Variants in PATJ observed in about 807,000 individuals in gnomAD.
PATJ encodes inaD-like protein.
PATJ carries 190 observed loss-of-function variants against 224.9 expected under a neutral mutation model. The ratio of observed to expected loss-of-function variants is 0.84; its 90% CI spans 0.75 to 0.95. PATJ has a LOEUF of 0.95. Among genes scored for constraint, PATJ ranks in the 40% least tolerant of loss-of-function variants. The pLI is 0.00. For missense variants in PATJ, 2,121 were observed against 2,270.3 expected (o/e 0.93, Z 1.34); for synonymous variants, 769 against 820.3 (o/e 0.94, Z 1.07).
At chr1:61,746,894 T>A (rs2148142537) in intron 1 of PATJ, among the ~76,000 whole-genome samples, 1 of 152,366 alleles carries the variant, frequency 6.6e-6, no homozygotes, top group East Asian at 1.9e-4. Flanking sequence ...TGTATATATG[T>A]TCTCATAGTG....
At chr1:61,748,246 C>CTTTTTTTTT (rs35918825) in intron 1 of PATJ, among the ~76,000 whole-genome samples, 1 of 65,108 alleles carries the variant, frequency 1.5e-5, no homozygotes, top group Non-Finnish European at 2.7e-5. Flanking sequence ...GCCTTAATGC[C>CTTTTTTTTT]TTTTTTTTTT....
intron 27 of PATJ, among the ~76,000 whole-genome samples, chr1:61,982,057 A>G (rs1644480820): frequency 6.6e-6 from 1 of 151,758 alleles, no homozygotes; most frequent in African/African-American, 2.4e-5. Flanking sequence ...TGCAGGGGAG[A>G]AGGGAGGGAG....
intron 33 of PATJ, among the ~76,000 whole-genome samples, chr1:62,097,896 G>A (rs59295242): frequency 0.26 from 39,706 of 152,026 alleles, 5,693 homozygotes; most frequent in South Asian, 0.42. Flanking sequence ...GTATAAAACA[G>A]TGACTTTATC....
intron 22 of PATJ, among the ~76,000 whole-genome samples, chr1:61,894,631 T>C (rs1249397835): frequency 6.6e-6 from 1 of 152,218 alleles, no homozygotes; most frequent in African/African-American, 2.4e-5. Context: ...TCCCCAGCCA[T>C]GTGGAACTTT....
intron 14 of PATJ, among the ~76,000 whole-genome samples, chr1:61,812,857 A>T (rs544628536): frequency 1.3e-5 from 2 of 152,084 alleles, no homozygotes; most frequent in South Asian, 4.1e-4. Context: ...TAAAAAAAAT[A>T]AAAAAAGACA....
chr1:61,890,496 T>G (rs1571140042), intron 22 of PATJ, among the ~76,000 whole-genome samples: 1 of 152,010 alleles, frequency 6.6e-6, no homozygotes, highest in South Asian at 2.1e-4. Context: ...TATTGGTTTT[T>G]TTTTCCTTCT....
chr1:62,159,961 T>A (rs1669687631), intron 43 of PATJ, among the ~76,000 whole-genome samples: 1 of 152,078 alleles, frequency 6.6e-6, no homozygotes, highest in South Asian at 2.1e-4. Flanking sequence ...GACACAGATC[T>A]CAGGAGCGTT....
At position 61,803,824 on chromosome 1, in the gene PATJ, T is replaced by C. The variant is rs188941785; in HGVS notation, c.1550-1624T>C. ...ACTAACTGCTATGAGGTTAGCTCTC[T>C]TTTTGTCTTTGGAATAATTATTTCA... On this transcript the variant is annotated intron_variant, in intron 12 of 43. Transcript: ENST00000642238. Among the ~76,000 whole-genome samples, 22 of 152,342 alleles carry C rather than the reference T, an allele frequency of 1.4e-4. No homozygotes were observed. In the East Asian group the frequency reaches 4.2e-3, roughly 29 times the overall value.
At chr1:61,746,111 T>TATA (rs1351760662) in intron 1 of PATJ, among the ~76,000 whole-genome samples, 1 of 134,334 alleles carries the variant, frequency 7.4e-6, no homozygotes, top group Non-Finnish European at 1.7e-5. Flanking sequence ...ATATATATAT[T>TATA]TTGTATTTTT....
intron 6 of PATJ, among the ~76,000 whole-genome samples, chr1:61,772,915 C>G (rs1407715837): frequency 2.0e-5 from 3 of 152,226 alleles, no homozygotes; most frequent in African/African-American, 7.2e-5. Flanking sequence ...CATATACGTT[C>G]TCTGAATATT....
chr1:61,914,015 T>G (rs951442343), intron 25 of PATJ, among the ~76,000 whole-genome samples: 3 of 152,248 alleles, frequency 2.0e-5, no homozygotes, highest in Non-Finnish European at 4.4e-5. Flanking sequence ...TGATGGCATA[T>G]ATATAACTTT....
At chr1:61,871,444 C>CACATATATACGCGTATATATATGTATAT (rs1666462687) in intron 20 of PATJ, among the ~76,000 whole-genome samples, 1 of 11,192 alleles carries the variant, frequency 8.9e-5, no homozygotes, top group Non-Finnish European at 1.9e-4. Flanking sequence ...TGTGTATATA[C>CACATATATACGCGTATATATATGTATAT]ACATATATAT....
chr1:61,904,003 A>C (rs1204881494), intron 24 of PATJ, among the ~76,000 whole-genome samples: 1 of 151,770 alleles, frequency 6.6e-6, no homozygotes, highest in Non-Finnish European at 1.5e-5. Flanking sequence ...CGAACTCCTA[A>C]CCTCAGGTGA....
At chr1:61,760,929 G>A (rs982021930) in intron 1 of PATJ, among the ~76,000 whole-genome samples, 2 of 151,984 alleles carry the variant, frequency 1.3e-5, no homozygotes, top group Non-Finnish European at 2.9e-5. Flanking sequence ...TTTCTTTCAA[G>A]CTGTAGATGA....
chr1:61,857,124 C>T (rs1663815880), intron 18 of PATJ, among the ~76,000 whole-genome samples: 1 of 152,096 alleles, frequency 6.6e-6, no homozygotes. Context: ...GGTCAGGTTA[C>T]TGCTTATGAC....
intron 28 of PATJ, among the ~76,000 whole-genome samples, chr1:61,998,632 T>C (rs1431221150): frequency 1.3e-5 from 2 of 152,226 alleles, no homozygotes; most frequent in Non-Finnish European, 2.9e-5. Flanking sequence ...ATTTATTTTT[T>C]GAGCTTGTTC....
In PATJ at chr1:62,161,345, T is replaced by G. The variant is rs931189942; in HGVS notation, c.*291T>G. ...TGTTCCGATTTCTTTTTTTTTTTTT[T>G]TTTTTTTTTTTGAGACGGAGTCTCA... On this transcript the variant is annotated 3_prime_UTR_variant, in exon 44 of 44. Transcript: ENST00000642238. 3 of 233,454 alleles carry G rather than the reference T, an allele frequency of 1.3e-5. No individual in the cohort carries two copies. The highest frequency in any genetic ancestry group is 7.4e-5 in the African/African-American group (3 of 40,494). 14.5% of individuals were successfully genotyped at this position (233,454 alleles called of 1,614,324 possible).
rs1204132629 is a variant in PATJ at position 61,828,972 on chromosome 1, A to C, written c.1980+1389A>C. 2.6e-5 allele frequency among the ~76,000 whole-genome samples: 4 copies of C among 152,314 alleles called. No homozygotes were observed. In the East Asian group the frequency reaches 7.7e-4, roughly 29 times the overall value. The stretch of plus-strand genomic sequence containing the variant: ...ACTTACCCATCTCATGAGTTTGTGC[A>C]AGAAGGAAATGTGGTAATGTGAGCA... On this transcript the variant is annotated intron_variant, in intron 16 of 43. Transcript: ENST00000642238.
chr1:62,054,235 C>A, intron 31 of PATJ: 1 of 216,416 alleles, frequency 4.6e-6, no homozygotes, highest in Non-Finnish European at 9.7e-6. Flanking sequence ...TGGTGACAAG[C>A]ACCTGTAGTC....
Sources: gnomAD v4.1 joint callset for allele counts (sites outside exome capture counted in the v4.1 genomes callset) on GRCh38, gnomAD v4.1.1 for gene constraint, MANE v1.5 for transcripts, NCBI Gene and HGNC (gene_info 2026-07-23, HGNC 2026-07-21) for gene names.